Variants in STK32C observed in about 807,000 individuals in gnomAD.
STK32C encodes serine/threonine kinase 32C, also known as serine/threonine-protein kinase 32C.
STK32C carries 31 observed loss-of-function variants against 56.5 expected under a neutral mutation model. The ratio of observed to expected loss-of-function variants is 0.55; its 90% confidence interval spans 0.41 to 0.74. STK32C has a LOEUF of 0.74. Ranked by LOEUF, STK32C falls within the 30% of genes least tolerant of loss-of-function variation. The probability of loss-of-function intolerance (pLI) is 0.00; values close to 1 mark genes in which losing one functional copy is unlikely to be tolerated. For missense variants in STK32C, 544 were observed against 676.9 expected (o/e 0.80, Z 2.18); for synonymous variants, 309 against 289.4 (o/e 1.07, Z -0.69).
rs373686560 is a variant in STK32C at position 132,254,655 on chromosome 10, A to G, written c.263-8700T>C. Among the ~76,000 whole-genome samples, 9 of 50,280 alleles carry G rather than the reference A, an allele frequency of 1.8e-4. 1 individual carries two copies. The highest frequency in any genetic ancestry group is 7.5e-4 in the South Asian group (1 of 1,328). 33.0% of individuals were successfully genotyped at this position (50,280 alleles called of 152,430 possible). Reference sequence around the variant, plus strand: ...ATAAGCCTGCCGCAGGGCGCCGGGAATCAGCACTATGTCACCCCGGCACAA... The same window carrying G: ...ATAAGCCTGCCGCAGGGCGCCGGGAGTCAGCACTATGTCACCCCGGCACAA... On this transcript the variant is annotated intron_variant, in intron 1 of 11. Transcript: ENST00000298630.
rs551634256 is a variant in STK32C, at chr10:132,248,272, G to A, written c.263-2317C>T. 2.2e-4 allele frequency among the ~76,000 whole-genome samples: 33 copies of A among 152,350 alleles called. No homozygotes were observed. The South Asian group carries it at 6.4e-3, about 30-fold the overall frequency. ...CAGATGGGCTGAACTAGTGGAGGGAGGAGAGTGAGAGGGCAGCTGGGCCGT... is the reference window on the plus strand; with the variant it reads ...CAGATGGGCTGAACTAGTGGAGGGAAGAGAGTGAGAGGGCAGCTGGGCCGT... On this transcript the variant is annotated intron_variant, in intron 1 of 11. Coordinates refer to ENST00000298630, the MANE Select transcript of STK32C (RefSeq NM_173575.4).
At chr10:132,240,244 C>T (rs2063454032) in intron 2 of STK32C, among the ~76,000 whole-genome samples, 4 of 152,350 alleles carry the variant, frequency 2.6e-5, no homozygotes, top group South Asian at 2.1e-4. Context: ...GTGCTGCTCG[C>T]CACCTGCAGC....
intron 1 of STK32C, among the ~76,000 whole-genome samples, chr10:132,247,450 A>G (rs952574444): frequency 2.0e-5 from 3 of 152,180 alleles, no homozygotes; most frequent in Non-Finnish European, 4.4e-5. Context: ...GTGCCGTGAC[A>G]AGGACCCACG....
At chr10:132,225,829 G>A (rs1385592468) in intron 4 of STK32C, 45 bp from the exon 5 acceptor site, 2 of 1,611,914 alleles carry the variant, frequency 1.2e-6, no homozygotes, top group South Asian at 2.2e-5. Context: ...AATCTGCCCT[G>A]TTTCTGCCCT....
At chr10:132,256,684 G>A (rs754013656) in intron 1 of STK32C, among the ~76,000 whole-genome samples, 4 of 150,180 alleles carry the variant, frequency 2.7e-5, no homozygotes, top group Non-Finnish European at 5.9e-5. Context: ...TCCAAGGCCC[G>A]GCCCCACCCA....
At chr10:132,302,251 G>A (rs1351063657) in intron 1 of STK32C, among the ~76,000 whole-genome samples, 3 of 152,238 alleles carry the variant, frequency 2.0e-5, no homozygotes, top group Non-Finnish European at 4.4e-5. Flanking sequence ...CTTCTCCACT[G>A]GAAAGCTGGG....
upstream of STK32C, among the ~76,000 whole-genome samples, chr10:132,311,518 A>G (rs2066221881): frequency 6.6e-6 from 1 of 152,170 alleles, no homozygotes; most frequent in Admixed American, 6.5e-5. This position sits in a 1 kb window ranked among gnomAD's most constrained non-coding sequence, Gnocchi z 4.4. Context: ...TGCTATGGTG[A>G]CAGTATTGAT....
intron 1 of STK32C, among the ~76,000 whole-genome samples, chr10:132,262,299 CAA>C (rs2064328752): frequency 6.6e-6 from 1 of 152,102 alleles, no homozygotes; most frequent in South Asian, 2.1e-4. Context: ...TAACTCAAGA[CAA>C]AGACTGAAAT....
At chr10:132,298,925 G>A (rs769244503) in intron 1 of STK32C, among the ~76,000 whole-genome samples, 5 of 152,138 alleles carry the variant, frequency 3.3e-5, no homozygotes, top group East Asian at 1.9e-4. Context: ...CTGAATCACC[G>A]ACTCAGAAAC....
At chr10:132,242,768 C>T (rs549998717) in intron 2 of STK32C, among the ~76,000 whole-genome samples, 5 of 152,308 alleles carry the variant, frequency 3.3e-5, no homozygotes, top group South Asian at 2.1e-4. Context: ...ATAATAAATT[C>T]GTATGCTTTT....
At chr10:132,266,296 A>T (rs1179022617) in intron 1 of STK32C, among the ~76,000 whole-genome samples, 2 of 152,124 alleles carry the variant, frequency 1.3e-5, no homozygotes, top group Non-Finnish European at 2.9e-5. Context: ...CCACAGTGAG[A>T]AGCACAGGTT....
At chr10:132,325,689 T>G (rs537823862) in intron 1 of STK32C, among the ~76,000 whole-genome samples, 80 of 151,436 alleles carry the variant, frequency 5.3e-4, no homozygotes, top group Non-Finnish European at 9.1e-4. Context: ...CAATGAAACC[T>G]CTTTCTTTTG....
At chr10:132,305,294 G>A (rs2066025979) in intron 1 of STK32C, among the ~76,000 whole-genome samples, 1 of 152,162 alleles carries the variant, frequency 6.6e-6, no homozygotes, top group Non-Finnish European at 1.5e-5. Context: ...AGTCCACAAG[G>A]ATTAAAAGGA....
chr10:132,266,269 G>A (rs2064521982), intron 1 of STK32C, among the ~76,000 whole-genome samples: 1 of 152,210 alleles, frequency 6.6e-6, no homozygotes, highest in East Asian at 1.9e-4. Flanking sequence ...GTGAGTTCAA[G>A]AACAGGCTGG....
At chr10:132,313,115 C>T (rs1458907712) in intron 1 of STK32C, among the ~76,000 whole-genome samples, 2 of 152,218 alleles carry the variant, frequency 1.3e-5, no homozygotes, top group African/African-American at 4.8e-5. Context: ...GACGGGTCTC[C>T]TGATACCCCC....
intron 1 of STK32C, among the ~76,000 whole-genome samples, chr10:132,253,545 C>T (rs1263238676): frequency 1.7e-5 from 2 of 118,144 alleles, no homozygotes; most frequent in Admixed American, 8.0e-5. Context: ...TGGAGGGAGT[C>T]GAGGGAGCTG....
intron 1 of STK32C, among the ~76,000 whole-genome samples, chr10:132,303,385 C>T (rs2065967511): frequency 6.6e-6 from 1 of 152,376 alleles, no homozygotes; most frequent in South Asian, 2.1e-4. Context: ...GGAAGGACTG[C>T]TGTCACATAA....
chr10:132,243,210 C>T (rs1447766173), intron 2 of STK32C, among the ~76,000 whole-genome samples: 2 of 152,258 alleles, frequency 1.3e-5, no homozygotes, highest in East Asian at 3.9e-4. Context: ...GATCATGGCC[C>T]TCAGCCTGAG....
intron 1 of STK32C, among the ~76,000 whole-genome samples, chr10:132,292,525 A>G (rs1057178336): frequency 6.6e-6 from 1 of 152,188 alleles, no homozygotes; most frequent in African/African-American, 2.4e-5. Context: ...ACACATGCAT[A>G]CATGCACACG....
Sources: gnomAD v4.1 joint callset for allele counts (sites outside exome capture counted in the v4.1 genomes callset) on GRCh38, gnomAD v4.1.1 for gene constraint, Gnocchi (gnomAD v3.1) non-coding constraint, MANE v1.5 for transcripts, NCBI Gene and HGNC (gene_info 2026-07-23, HGNC 2026-07-21) for gene names.